CD226: variants seen among roughly 807,000 people sequenced by gnomAD.
CD226 encodes the protein CD226 molecule.
A neutral mutation model predicts 34.9 loss-of-function variants in CD226; 24 were observed. The ratio of observed to expected loss-of-function variants is 0.69; its 90% CI spans 0.50 to 0.97. The LOEUF (loss-of-function observed/expected upper bound fraction) is 0.97. Among genes scored for constraint, CD226 ranks in the 50% least tolerant of loss-of-function variants. The pLI, the probability that CD226 is intolerant of heterozygous loss-of-function variation, is 0.00. For synonymous variants in CD226, 148 were observed against 147.4 expected (o/e 1.00, Z -0.03); for missense variants, 397 against 412.7 (o/e 0.96, Z 0.33).
rs889432265 is a variant in CD226 at position 69,856,651 on chromosome 18, T to C, written c.*7663A>G. 1.3e-5 allele frequency: 2 copies of C among 152,054 alleles called. No homozygotes were observed. Among genetic ancestry groups the C allele is most frequent in the Non-Finnish European group, 2.9e-5 (2 of 67,990 alleles). The allele number at this position is 152,054 out of a possible 1,614,324, so 9.4% of individuals were successfully genotyped here. ...TTAAGTTAGAAATCTGTAAGAGATA[T>C]AAAGTAGAAAAATCCCAAAATATAT... On this transcript the variant is annotated 3_prime_UTR_variant, in exon 6 of 6. Transcript: ENST00000582621.
At position 69,863,580 on chromosome 18, in the gene CD226, C is replaced by T. The variant is rs760781547; in HGVS notation, c.*734G>A. ...TTCTAGAAGTATGGACAGAGATACC[C>T]CATTTCTAGAATCCATCCCATATTT... is the stretch of plus-strand genomic sequence containing the variant. On this transcript the variant is annotated 3_prime_UTR_variant, in exon 6 of 6. Transcript: ENST00000582621. 1 of 152,110 alleles carries T rather than the reference C, an allele frequency of 6.6e-6. No individual in the cohort carries two copies. Among genetic ancestry groups the T allele is most frequent in the Non-Finnish European group, 1.5e-5 (1 of 68,020 alleles). The allele number at this position is 152,110 out of a possible 1,614,324, so 9.4% of individuals were successfully genotyped here.
At chr18:69,903,761 G>A (rs1295968553) in intron 2 of CD226, among the ~76,000 whole-genome samples, 1 of 152,120 alleles carries the variant, frequency 6.6e-6, no homozygotes, top group Non-Finnish European at 1.5e-5. Flanking sequence ...CAGAAGCTAG[G>A]TGAGACCTCT....
chr18:69,911,566 C>T (rs987166849), intron 2 of CD226, among the ~76,000 whole-genome samples: 4 of 152,118 alleles, frequency 2.6e-5, no homozygotes, highest in Admixed American at 6.5e-5. Context: ...CACCCATCCC[C>T]GCAGGTCGGC....
At chr18:69,928,979 C>T (rs1324171942) in intron 2 of CD226, among the ~76,000 whole-genome samples, 2 of 152,174 alleles carry the variant, frequency 1.3e-5, no homozygotes, top group African/African-American at 4.8e-5. Context: ...TTGAACAGCA[C>T]TTGTAAGAAT....
At chr18:69,916,114 T>C (rs2055382934) in intron 2 of CD226, among the ~76,000 whole-genome samples, 1 of 152,190 alleles carries the variant, frequency 6.6e-6, no homozygotes, top group African/African-American at 2.4e-5. Context: ...AAATTAGACA[T>C]CTAAGTGATG....
intron 3 of CD226, among the ~76,000 whole-genome samples, chr18:69,880,353 A>AAGGAAGG (rs1555678454): frequency 0.043 from 5,055 of 118,444 alleles, 132 homozygotes; most frequent in South Asian, 0.06. Context: ...AGAAAGAAAG[A>AAGGAAGG]AAGAAAGGAA....
chr18:69,880,330 G>C (rs377311715), intron 3 of CD226, among the ~76,000 whole-genome samples: 2 of 134,860 alleles, frequency 1.5e-5, no homozygotes, highest in African/African-American at 5.7e-5. Flanking sequence ...AAAAGAAAGA[G>C]AGAAAGAAAG....
At chr18:69,880,945 C>T (rs1045803371) in intron 3 of CD226, among the ~76,000 whole-genome samples, 1 of 152,056 alleles carries the variant, frequency 6.6e-6, no homozygotes, top group African/African-American at 2.4e-5. Context: ...GCCACAGCAC[C>T]CAGCCAAGTT....
upstream of CD226, among the ~76,000 whole-genome samples, chr18:69,950,152 C>A (rs1237142094): frequency 1.2e-5 from 1 of 81,934 alleles, no homozygotes. Flanking sequence ...TCACATGCAT[C>A]TGCACGTACT....
At chr18:69,870,239 G>A (rs1363215026) in intron 4 of CD226, among the ~76,000 whole-genome samples, 1 of 150,694 alleles carries the variant, frequency 6.6e-6, no homozygotes, top group East Asian at 1.9e-4. Context: ...CCTACACTCA[G>A]GTGCACATCT....
At chr18:69,906,393 T>C (rs1185770409) in intron 2 of CD226, among the ~76,000 whole-genome samples, 1 of 152,226 alleles carries the variant, frequency 6.6e-6, no homozygotes, top group African/African-American at 2.4e-5. Context: ...AAAATTGCTC[T>C]GAAAATTGGA....
intron 1 of CD226, among the ~76,000 whole-genome samples, chr18:69,953,327 G>GT (rs1302790051): frequency 2.0e-5 from 3 of 152,184 alleles, no homozygotes; most frequent in Non-Finnish European, 2.9e-5. Flanking sequence ...CTGCCAACAG[G>GT]TGAATGAATG....
At chr18:69,904,394 A>G (rs1163924847) in intron 2 of CD226, among the ~76,000 whole-genome samples, 1 of 152,218 alleles carries the variant, frequency 6.6e-6, no homozygotes. Context: ...CAGATTACCC[A>G]GGAGTCAAAG....
At chr18:69,871,926 A>G (rs1042400031) in intron 4 of CD226, among the ~76,000 whole-genome samples, 2 of 152,138 alleles carry the variant, frequency 1.3e-5, no homozygotes, top group Non-Finnish European at 2.9e-5. Context: ...TGGGTTAGAG[A>G]AAGAGGCTAC....
chr18:69,895,147 G>A (rs1985192421), intron 3 of CD226, among the ~76,000 whole-genome samples: 1 of 152,122 alleles, frequency 6.6e-6, no homozygotes, highest in Non-Finnish European at 1.5e-5. Context: ...TATTTTCCTA[G>A]TAATATTAAG....
At chr18:69,889,929 T>A (rs1340112136) in intron 3 of CD226, among the ~76,000 whole-genome samples, 1 of 152,226 alleles carries the variant, frequency 6.6e-6, no homozygotes, top group African/African-American at 2.4e-5. Context: ...GTGCCACTTA[T>A]ATTAAAAATT....
At chr18:69,902,054 T>C (rs1334008445) in intron 2 of CD226, among the ~76,000 whole-genome samples, 3 of 152,138 alleles carry the variant, frequency 2.0e-5, no homozygotes, top group Non-Finnish European at 2.9e-5. Flanking sequence ...TATACTGAAG[T>C]AGCTTTCCCA....
chr18:69,881,472 A>G (rs1331667660), intron 3 of CD226, among the ~76,000 whole-genome samples: 1 of 152,214 alleles, frequency 6.6e-6, no homozygotes, highest in African/African-American at 2.4e-5. Flanking sequence ...AATGTTTTAA[A>G]CAGTTTTTTT....
chr18:69,953,937 T>C (rs936784735), intron 1 of CD226, among the ~76,000 whole-genome samples: 1 of 151,414 alleles, frequency 6.6e-6, no homozygotes, highest in African/African-American at 2.4e-5. Flanking sequence ...GAGGTGGAGG[T>C]TGCAGTGAGC....
Sources: gnomAD v4.1 joint callset for allele counts (sites outside exome capture counted in the v4.1 genomes callset) on GRCh38, gnomAD v4.1.1 for gene constraint, MANE v1.5 for transcripts, NCBI Gene and HGNC (gene_info 2026-07-23, HGNC 2026-07-21) for gene names.